The following RTL10 variants were observed in gnomAD, a reference collection of about 807,000 sequenced individuals.
RTL10 encodes the protein protein Bop.
For missense variants in RTL10, 477 were observed against 470.7 expected (o/e 1.01, Z -0.12); for synonymous variants, 199 against 188.4 (o/e 1.06, Z -0.46).
Position 19,846,342 on chromosome 22 carries a change from C to G in RTL10, c.*4825G>C. 1 of 831,794 alleles carries G rather than the reference C, an allele frequency of 1.2e-6. No individual in the cohort carries two copies. Among genetic ancestry groups the G allele is most frequent in the Non-Finnish European group, 1.5e-6 (1 of 689,112 alleles). 51.5% of individuals were successfully genotyped at this position (831,794 alleles called of 1,614,324 possible). A position where few individuals can be genotyped will look rare whatever the true frequency, so the allele number is the denominator to read the frequency against. On this transcript the variant is annotated 3_prime_UTR_variant, in exon 3 of 3. Coordinates refer to ENST00000328554, the MANE Select transcript of RTL10 (RefSeq NM_024627.6). ...GGAATACAGGATAATGCCTTTGTACCCCCCAGGTAGGGAAAGATTTCTTAA... is the reference window on the plus strand; with the variant it reads ...GGAATACAGGATAATGCCTTTGTACGCCCCAGGTAGGGAAAGATTTCTTAA...
At chr22:19,854,140 T>C (rs1938178592) in intron 2 of RTL10, among the ~76,000 whole-genome samples, 1 of 152,098 alleles carries the variant, frequency 6.6e-6, no homozygotes, top group African/African-American at 2.4e-5. Flanking sequence ...AGTCTGTTGG[T>C]CCCCCTACTT....
At position 19,847,856 on chromosome 22, in the gene RTL10, A is replaced by G; in HGVS notation, c.*3311T>C. On this transcript the variant is annotated 3_prime_UTR_variant, in exon 3 of 3. Transcript: ENST00000328554. ...CCATATTTTCCTCTAGTACTTTCAT[A>G]ATTGTAACATTGAAATCTTTAATCT... 1.1e-6 allele frequency: 1 copy of G among 942,340 alleles called. No homozygotes were observed. The highest frequency in any genetic ancestry group is 1.3e-6 in the Non-Finnish European group (1 of 793,688). The allele number at this position is 942,340 out of a possible 1,614,324, so 58.4% of individuals were successfully genotyped here.
Position 19,850,833 on chromosome 22 carries a change from T to G in RTL10, c.*334A>C, listed in dbSNP as rs1601357353. The G allele has an allele frequency of 1.6e-6, 2 of 1,289,558 alleles. No homozygotes were observed. Among genetic ancestry groups the G allele is most frequent in the East Asian group, 2.9e-5 (1 of 34,722 alleles). The allele number at this position is 1,289,558 out of a possible 1,614,324, so 79.9% of individuals were successfully genotyped here. ...GGGGGGTGTTTTATGGGGGTGGAGG[T>G]GACAAAGATGATGCAACTATCTGCT... On this transcript the variant is annotated 3_prime_UTR_variant, in exon 3 of 3. Coordinates refer to ENST00000328554, the MANE Select transcript of RTL10 (RefSeq NM_024627.6).
At position 19,849,385 on chromosome 22, in the gene RTL10, T is replaced by TGG. The variant is rs35700921; in HGVS notation, c.*1780_*1781dup. On this transcript the variant is annotated 3_prime_UTR_variant, in exon 3 of 3. Transcript: ENST00000328554. The stretch of plus-strand genomic sequence containing the variant: ...TTGTTTTTTGTTGTTTTTTTTTTTT[T>TGG]GGGATGGAGTTTCACTCTTGTTGTC... The TGG allele has an allele frequency of 5.5e-3, 4,155 of 760,266 alleles. 1 individual carries two copies. The highest frequency in any genetic ancestry group is 7.4e-3 in the Middle Eastern group (11 of 1,486). The allele number at this position is 760,266 out of a possible 1,614,324, so 47.1% of individuals were successfully genotyped here.
At position 19,848,248 on chromosome 22, in the gene RTL10, G is replaced by C. The variant is rs1235111549; in HGVS notation, c.*2919C>G. On this transcript the variant is annotated 3_prime_UTR_variant, in exon 3 of 3. Coordinates refer to ENST00000328554, the MANE Select transcript of RTL10 (RefSeq NM_024627.6). ...GTATTTCCAAGGGAAGTGAAGGACT[G>C]ACACCATGATTAGAAAGCAGAGCCA... is the stretch of plus-strand genomic sequence containing the variant. The C allele has an allele frequency of 8.1e-6, 8 of 985,308 alleles. No homozygotes were observed. The Admixed American group carries it at 4.9e-4, about 61-fold the overall frequency. 61.0% of individuals were successfully genotyped at this position (985,308 alleles called of 1,614,324 possible).
intron 2 of RTL10, among the ~76,000 whole-genome samples, chr22:19,853,604 G>C (rs941366043): frequency 6.6e-6 from 1 of 152,092 alleles, no homozygotes; most frequent in African/African-American, 2.4e-5. Flanking sequence ...CCCCCTCAGG[G>C]TGAGTTCCTC....
Position 19,850,684 on chromosome 22 carries a change from A to G in RTL10, c.*483T>C. The G allele has an allele frequency of 8.1e-7, 1 of 1,231,178 alleles. No homozygotes were observed. The highest frequency in any genetic ancestry group is 1.0e-6 in the Non-Finnish European group (1 of 988,302). The allele number at this position is 1,231,178 out of a possible 1,614,324, so 76.3% of individuals were successfully genotyped here. On this transcript the variant is annotated 3_prime_UTR_variant, in exon 3 of 3. Transcript: ENST00000328554. ...TTCCTCACATTCCAGCTGGGACAGA[A>G]GTCACAGGGAGCAGAGAGGGTGGGG...
rs369074705 is a variant in RTL10 at position 19,851,497 on chromosome 22, G to A, written c.765C>T (p.Phe255=). 17 of 1,613,992 alleles carry A rather than the reference G, an allele frequency of 1.1e-5. No homozygotes were observed. Among genetic ancestry groups the A allele is most frequent in the African/African-American group, 1.3e-5 (1 of 74,890 alleles). The stretch of plus-strand genomic sequence containing the variant: ...TGCTCTCCTTGGTCAGCTGCTGCTC[G>A]AACAGAGCACTTCTAGATACAGAGT... ...GSNSVSRSAL[F]EQQLTKESTP... Residue 255 remains phenylalanine, a synonymous_variant, in exon 3 of 3, where the codon TTC becomes TTT. Transcript: ENST00000328554.
At position 19,847,804 on chromosome 22, in the gene RTL10, C is replaced by G. The variant is rs73877361; in HGVS notation, c.*3363G>C. On this transcript the variant is annotated 3_prime_UTR_variant, in exon 3 of 3. Coordinates refer to ENST00000328554, the MANE Select transcript of RTL10 (RefSeq NM_024627.6). ...ACTTTTAAAATCCTGGAATCATAGGCAAAAAAAAAAAAAAAAAAAAATTCA... is the reference window on the plus strand; with the variant it reads ...ACTTTTAAAATCCTGGAATCATAGGGAAAAAAAAAAAAAAAAAAAAATTCA... The G allele has an allele frequency of 2.0e-5, 12 of 612,398 alleles. No individual in the cohort carries two copies. In the African/African-American group the frequency reaches 3.1e-4, roughly 16 times the overall value. The allele number at this position is 612,398 out of a possible 1,614,324, so 37.9% of individuals were successfully genotyped here.
rs1324754901 is a variant in RTL10 at position 19,849,734 on chromosome 22, A to G, written c.*1433T>C. On this transcript the variant is annotated 3_prime_UTR_variant, in exon 3 of 3. Transcript: ENST00000328554. ...TCCTAAAATAGTTGGCTGTATTTCC[A>G]ATTCACATTTCTGCTTTTTCTTCCT... is the stretch of plus-strand genomic sequence containing the variant. The G allele has an allele frequency of 1.0e-6, 1 of 985,228 alleles. No homozygotes were observed. The highest frequency in any genetic ancestry group is 1.1e-4 in the East Asian group (1 of 8,834). The allele number at this position is 985,228 out of a possible 1,614,324, so 61.0% of individuals were successfully genotyped here.
chr22:19,849,661 C>T lies in RTL10; in HGVS notation c.*1506G>A. 1 of 984,486 alleles carries T rather than the reference C, an allele frequency of 1.0e-6. No homozygotes were observed. The highest frequency in any genetic ancestry group is 1.2e-6 in the Non-Finnish European group (1 of 829,090). The allele number at this position is 984,486 out of a possible 1,614,324, so 61.0% of individuals were successfully genotyped here. On this transcript the variant is annotated 3_prime_UTR_variant, in exon 3 of 3. Transcript: ENST00000328554. Reference sequence around the variant, plus strand: ...GGATTACAGGTGTGAGACACTGCTCCCGGCCAGTTTCTGAATAAGTTTAAT... The same window carrying T: ...GGATTACAGGTGTGAGACACTGCTCTCGGCCAGTTTCTGAATAAGTTTAAT...
chr22:19,851,916 G>T lies in RTL10; in HGVS notation c.346C>A (p.Arg116Ser), dbSNP rs745483692. 6.2e-7 allele frequency: 1 copy of T among 1,614,108 alleles called. No homozygotes were observed. ...TFDGSPWLLD[R>S]FLAQLGDYMS... ...TAATCGCCCAGCTGGGCCAAGAAGC[G>T]GTCCAGTAGCCACGGGGAGCCATCA... Residue 116 changes from arginine to serine, a missense_variant, in exon 3 of 3, where the codon CGC becomes AGC. Arg to Ser is a moderately radical substitution (Grantham distance 110). Transcript: ENST00000328554.
chr22:19,853,756 C>T (rs1353009153), intron 2 of RTL10, among the ~76,000 whole-genome samples: 2 of 152,234 alleles, frequency 1.3e-5, no homozygotes, highest in Admixed American at 6.5e-5. Flanking sequence ...AGCCCATGAC[C>T]CTGGCTTCCC....
rs1037899048 is a variant in RTL10, at chr22:19,850,966, A to T, written c.*201T>A. 2 of 1,385,998 alleles carry T rather than the reference A, an allele frequency of 1.4e-6. No individual in the cohort carries two copies. Among genetic ancestry groups the T allele is most frequent in the Non-Finnish European group, 1.9e-6 (2 of 1,073,948 alleles). The allele number at this position is 1,385,998 out of a possible 1,614,324, so 85.9% of individuals were successfully genotyped here. On this transcript the variant is annotated 3_prime_UTR_variant, in exon 3 of 3. Transcript: ENST00000328554. ...AGAGAGCCAGCAGCAGGGAAAGGGC[A>T]CAGGGCGGAGGTCAAGCTCTGCTGG... is the stretch of plus-strand genomic sequence containing the variant.
chr22:19,850,501 G>A lies in RTL10; in HGVS notation c.*666C>T. 3.8e-6 allele frequency: 4 copies of A among 1,045,202 alleles called. No individual in the cohort carries two copies. The highest frequency in any genetic ancestry group is 4.6e-6 in the Non-Finnish European group (4 of 869,112). The allele number at this position is 1,045,202 out of a possible 1,614,324, so 64.7% of individuals were successfully genotyped here. Reference sequence around the variant, plus strand: ...GTTAACACACAAAGGGCGAATGCCTGCAGCTGAGCCTGGCAAGGGGCTTGC... The same window carrying A: ...GTTAACACACAAAGGGCGAATGCCTACAGCTGAGCCTGGCAAGGGGCTTGC... On this transcript the variant is annotated 3_prime_UTR_variant, in exon 3 of 3. Transcript: ENST00000328554.
chr22:19,853,723 G>A (rs1193069057), intron 2 of RTL10, among the ~76,000 whole-genome samples: 1 of 152,026 alleles, frequency 6.6e-6, no homozygotes, highest in Non-Finnish European at 1.5e-5. Flanking sequence ...CCCTCTGGGG[G>A]GGGGGTCTTC....
intron 2 of RTL10, among the ~76,000 whole-genome samples, chr22:19,853,126 T>A (rs1306672408): frequency 1.3e-5 from 2 of 151,958 alleles, no homozygotes; most frequent in Non-Finnish European, 2.9e-5. Context: ...CTTTCCAAAT[T>A]CACCTCTCAC....
rs1938172748 is a variant in RTL10 at position 19,853,931 on chromosome 22, CCA to C, written c.-226+510_-226+511del. 2.6e-5 allele frequency among the ~76,000 whole-genome samples: 4 copies of C among 152,298 alleles called. No individual in the cohort carries two copies. In the South Asian group the frequency reaches 8.3e-4, roughly 32 times the overall value. On this transcript the variant is annotated intron_variant, in intron 2 of 2. Transcript: ENST00000328554. ...AATGACCACACCCCATGCCCGGGAG[CCA>C]CAGTGTGCTACCCAGATCTCTGCCT...
Position 19,847,211 on chromosome 22 carries a change from G to A in RTL10, c.*3956C>T. On this transcript the variant is annotated 3_prime_UTR_variant, in exon 3 of 3. Transcript: ENST00000328554. The stretch of plus-strand genomic sequence containing the variant: ...GGCTGTCGTCAGCACAGGTCTGACA[G>A]GCCCCAGCCACGGTGGCCCACAGGT... The A allele has an allele frequency of 2.0e-6, 2 of 985,498 alleles. No homozygotes were observed. The highest frequency in any genetic ancestry group is 2.4e-6 in the Non-Finnish European group (2 of 829,956). 61.0% of individuals were successfully genotyped at this position (985,498 alleles called of 1,614,324 possible).
Sources: gnomAD v4.1 joint callset for allele counts (sites outside exome capture counted in the v4.1 genomes callset) on GRCh38, gnomAD v4.1.1 for gene constraint, MANE v1.5 for transcripts, NCBI Gene and HGNC (gene_info 2026-07-23, HGNC 2026-07-21) for gene names.